NAA15: variants seen among roughly 807,000 people sequenced by gnomAD.
NAA15 encodes N-alpha-acetyltransferase 15, NatA auxiliary subunit.
Under a neutral mutation model 114.0 loss-of-function variants are expected in NAA15, and 34 were observed. That is an observed-to-expected ratio of 0.30 (90% confidence interval 0.23 to 0.40). The LOEUF (loss-of-function observed/expected upper bound fraction) is 0.40, where lower values mean the gene tolerates loss of function less well. Among genes scored for constraint, NAA15 ranks in the 10% least tolerant of loss-of-function variants. The pLI is 1.00. For missense variants in NAA15, 658 were observed against 1,004.5 expected (o/e 0.66, Z 4.66); for synonymous variants, 340 against 338.0 (o/e 1.01, Z -0.06).
chr4:139,384,673 T>C (rs1748845795), intron 17 of NAA15, among the ~76,000 whole-genome samples, 159 bp from the exon 18 acceptor site: 1 of 150,602 alleles, frequency 6.6e-6, no homozygotes, highest in East Asian at 2.0e-4. Flanking sequence ...GAGGATTGCA[T>C]GAGCCTGGAA....
At chr4:139,322,423 A>G (rs942179319) in intron 1 of NAA15, among the ~76,000 whole-genome samples, 7 of 152,214 alleles carry the variant, frequency 4.6e-5, no homozygotes, top group Admixed American at 3.3e-4. Flanking sequence ...GCCCAGTCTC[A>G]GGTATGTCTT....
intron 14 of NAA15, among the ~76,000 whole-genome samples, chr4:139,367,270 C>G (rs1034149930): frequency 2.0e-5 from 3 of 152,130 alleles, no homozygotes; most frequent in African/African-American, 7.2e-5. Context: ...TGATGAGGAC[C>G]CAAGACTGGA....
At chr4:139,358,191 G>GT (rs200019923) in intron 11 of NAA15, among the ~76,000 whole-genome samples, 41,733 of 143,388 alleles carry the variant, frequency 0.29, 6,910 homozygotes, top group African/African-American at 0.47. Context: ...TTTTGTTTTT[G>GT]TTTTTTTTTT....
At position 139,375,343 on chromosome 4, in the gene NAA15, G is replaced by A. The variant is rs114295691; in HGVS notation, c.1948-1022G>A. Among the ~76,000 whole-genome samples, 799 of 152,256 alleles carry A rather than the reference G, an allele frequency of 5.2e-3. 12 individuals carry two copies. The highest frequency in any genetic ancestry group is 0.018 in the African/African-American group (764 of 41,552). On this transcript the variant is annotated intron_variant, in intron 15 of 19. Coordinates refer to ENST00000296543, the MANE Select transcript of NAA15 (RefSeq NM_057175.5). ...TGTATCCTTCAAAAGAAAACATTCC[G>A]GCACTGGAGCTGGGCTTTTAATGGG...
intron 13 of NAA15, among the ~76,000 whole-genome samples, 187 bp from the exon 14 acceptor site, chr4:139,361,537 A>G (rs1748130886): frequency 6.6e-6 from 1 of 152,210 alleles, no homozygotes; most frequent in Non-Finnish European, 1.5e-5. Context: ...ATCCTGTGCT[A>G]GACAATGGCT....
At chr4:139,383,564 A>G (rs779638830) in intron 17 of NAA15, among the ~76,000 whole-genome samples, 1 of 152,142 alleles carries the variant, frequency 6.6e-6, no homozygotes, top group Non-Finnish European at 1.5e-5. Flanking sequence ...TCCACCTCCC[A>G]GGTTCAAGCT....
In NAA15 at chr4:139,384,896, T is replaced by C; in HGVS notation, c.2220T>C (p.Arg740=). 6.4e-7 allele frequency: 1 copy of C among 1,555,780 alleles called. No individual in the cohort carries two copies. Among genetic ancestry groups the C allele is most frequent in the Non-Finnish European group, 8.7e-7 (1 of 1,148,976 alleles). Reference sequence around the variant, plus strand: ...CAGTATTAAAACAAGAAATGAATCGTCTTTTTGGAGCAACGAATCCAAAGA... The same window carrying C: ...CAGTATTAAAACAAGAAATGAATCGCCTTTTTGGAGCAACGAATCCAAAGA... ...VRTVLKQEMN[R]LFGATNPKNF... is the part of the protein sequence containing the mutation. The change falls in exon 18 of 20, where the codon CGT becomes CGC. Residue 740 remains arginine, a synonymous_variant. Coordinates refer to ENST00000296543, the MANE Select transcript of NAA15 (RefSeq NM_057175.5).
intron 1 of NAA15, among the ~76,000 whole-genome samples, chr4:139,333,169 A>G (rs775678548): frequency 2.6e-5 from 4 of 151,212 alleles, no homozygotes; most frequent in Non-Finnish European, 4.4e-5. Flanking sequence ...TTTTTTTCCT[A>G]ATACTTTCTA....
At chr4:139,330,413 C>A (rs1450121897) in intron 1 of NAA15, among the ~76,000 whole-genome samples, 2 of 152,198 alleles carry the variant, frequency 1.3e-5, no homozygotes, top group African/African-American at 2.4e-5. Context: ...CTTCTGCTTT[C>A]TCCTCCTCTT....
intron 17 of NAA15, among the ~76,000 whole-genome samples, chr4:139,384,201 G>A (rs764077746): frequency 6.6e-6 from 1 of 152,182 alleles, no homozygotes; most frequent in Non-Finnish European, 1.5e-5. Context: ...GTATTGCTGG[G>A]CATGATGGCT....
At chr4:139,361,984 T>G (rs1219657643) in intron 14 of NAA15, 47 bp downstream of exon 14, 1 of 1,344,050 alleles carries the variant, frequency 7.4e-7, no homozygotes, top group South Asian at 1.3e-5. Flanking sequence ...TTTATGTGTA[T>G]TTATGTGTAT....
chr4:139,388,312 G>T lies in NAA15; in HGVS notation c.*228G>T, dbSNP rs1248346057. On this transcript the variant is annotated 3_prime_UTR_variant, in exon 20 of 20. Coordinates refer to ENST00000296543, the MANE Select transcript of NAA15 (RefSeq NM_057175.5). ...AAAAAATTAAAGCTGCTAAAATTGA[G>T]TGGTTAAAAAAGATACCTTATCCTA... The T allele has an allele frequency of 2.9e-6, 1 of 341,484 alleles. No individual in the cohort carries two copies. Among genetic ancestry groups the T allele is most frequent in the Non-Finnish European group, 5.3e-6 (1 of 188,944 alleles). The allele number at this position is 341,484 out of a possible 1,614,324, so 21.2% of individuals were successfully genotyped here.
At chr4:139,341,101 C>G in intron 4 of NAA15, 32 bp downstream of exon 4, 1 of 1,397,470 alleles carries the variant, frequency 7.2e-7, no homozygotes, top group Non-Finnish European at 9.4e-7. Flanking sequence ...TTTTTTAATT[C>G]TAAGGGGAAA....
chr4:139,371,166 G>A (rs1748424650), intron 15 of NAA15, among the ~76,000 whole-genome samples: 1 of 152,138 alleles, frequency 6.6e-6, no homozygotes, highest in Non-Finnish European at 1.5e-5. Context: ...TCACTAGTAA[G>A]GAAAGGCTCA....
At chr4:139,377,129 TAAA>T in intron 16 of NAA15, among the ~76,000 whole-genome samples, 2 of 152,208 alleles carry the variant, frequency 1.3e-5, no homozygotes, top group African/African-American at 4.8e-5. Flanking sequence ...TGATGCATAT[TAAA>T]GGAAAGAGAA....
chr4:139,332,723 C>T (rs1412392775), intron 1 of NAA15, among the ~76,000 whole-genome samples: 1 of 151,566 alleles, frequency 6.6e-6, no homozygotes, highest in East Asian at 1.9e-4. Context: ...GCTGGGATTA[C>T]AGGTGGCGCC....
intron 3 of NAA15, 130 bp from the exon 4 acceptor site, chr4:139,340,782 T>G: frequency 1.6e-6 from 1 of 617,962 alleles, no homozygotes; most frequent in Non-Finnish European, 2.6e-6. Flanking sequence ...GAAATCAATC[T>G]CCCCCTCCCC....
chr4:139,356,678 G>GTA (rs1747961539), intron 10 of NAA15: 1 of 152,044 alleles, frequency 6.6e-6, no homozygotes, highest in Admixed American at 6.6e-5. Flanking sequence ...TTGAAAGCAC[G>GTA]TATCAGTTCT....
intron 17 of NAA15, among the ~76,000 whole-genome samples, chr4:139,380,653 CTT>C (rs1395102234): frequency 6.6e-6 from 1 of 152,096 alleles, no homozygotes; most frequent in Non-Finnish European, 1.5e-5. Context: ...ACCCATTGCT[CTT>C]TGTGTTCAGC....
Sources: allele counts gnomAD v4.1 joint callset (sites outside exome capture counted in the v4.1 genomes callset), GRCh38; gene constraint gnomAD v4.1.1; transcripts MANE v1.5; gene names NCBI Gene and HGNC (gene_info 2026-07-23, HGNC 2026-07-21).